Variants in MBNL2 observed in about 807,000 individuals in gnomAD.
MBNL2 encodes muscleblind-like protein 2.
MBNL2 carries 17 observed loss-of-function variants against 41.9 expected under a neutral mutation model. The observed-to-expected ratio is 0.41, with a 90% confidence interval of 0.28 to 0.61. MBNL2 has a LOEUF of 0.61. MBNL2 is among the 20% of genes least tolerant of loss of function. MBNL2 has a pLI of 0.35. For synonymous variants in MBNL2, 195 were observed against 182.9 expected (o/e 1.07, Z -0.53); for missense variants, 336 against 505.6 (o/e 0.66, Z 3.22).
chr13:97,215,773 G>C, the MBNL2 span, among the ~76,000 whole-genome samples: 11 of 152,072 alleles, frequency 7.2e-5, no homozygotes, highest in African/African-American at 2.2e-4. Flanking sequence ...GGGACACAGT[G>C]AAAAAAATTA....
At chr13:97,248,101 C>T (rs184425138) in intron 1 of MBNL2, among the ~76,000 whole-genome samples, 24 of 152,208 alleles carry the variant, frequency 1.6e-4, no homozygotes, top group African/African-American at 4.3e-4. Flanking sequence ...ATTATATATA[C>T]GTATGTGTGT....
chr13:97,190,650 A>T, the MBNL2 span, among the ~76,000 whole-genome samples: 3 of 152,232 alleles, frequency 2.0e-5, no homozygotes, highest in Non-Finnish European at 2.9e-5. Context: ...ATTCTCATCC[A>T]TAAAGTGGAA....
intron 2 of MBNL2, among the ~76,000 whole-genome samples, chr13:97,305,920 G>A (rs866115395): frequency 9.2e-5 from 14 of 152,074 alleles, no homozygotes; most frequent in Middle Eastern, 3.2e-3. Context: ...AGGGAGGAAG[G>A]GGAAGAGAAG....
At chr13:97,212,127 A>G in the MBNL2 span, among the ~76,000 whole-genome samples, 2 of 152,196 alleles carry the variant, frequency 1.3e-5, no homozygotes, top group Non-Finnish European at 2.9e-5. Flanking sequence ...CTTTGTACAA[A>G]GAGAACAGTA....
chr13:97,171,986 C>T, the MBNL2 span, among the ~76,000 whole-genome samples: 3 of 152,202 alleles, frequency 2.0e-5, no homozygotes, highest in African/African-American at 4.8e-5. Flanking sequence ...TCCCCAGCCA[C>T]GTGGAACTGT....
chr13:97,180,521 G>A, the MBNL2 span, among the ~76,000 whole-genome samples: 8 of 152,088 alleles, frequency 5.3e-5, no homozygotes, highest in African/African-American at 1.7e-4. Flanking sequence ...CAGATCACGA[G>A]GTCAGGACTT....
At chr13:97,149,244 G>A in the MBNL2 span, among the ~76,000 whole-genome samples, 1 of 152,162 alleles carries the variant, frequency 6.6e-6, no homozygotes, top group Non-Finnish European at 1.5e-5. Context: ...ATGATGATAT[G>A]TTCGGGCTTC....
the MBNL2 span, among the ~76,000 whole-genome samples, chr13:97,196,588 C>T: frequency 3.9e-5 from 6 of 152,008 alleles, no homozygotes; most frequent in Non-Finnish European, 8.8e-5. Context: ...GAGGAGGGAG[C>T]CCAGGACAAC....
intron 2 of MBNL2, among the ~76,000 whole-genome samples, chr13:97,329,375 G>A (rs941645781): frequency 3.3e-5 from 5 of 152,046 alleles, no homozygotes; most frequent in African/African-American, 7.2e-5. Flanking sequence ...TTTAAATGTA[G>A]CATAAAGCAT....
intron 5 of MBNL2, among the ~76,000 whole-genome samples, chr13:97,348,919 A>G (rs544369160): frequency 2.6e-5 from 4 of 152,336 alleles, no homozygotes; most frequent in African/African-American, 9.6e-5. Context: ...ATAGGGATAC[A>G]GCGAGAAAGG....
At chr13:97,202,708 G>T in the MBNL2 span, among the ~76,000 whole-genome samples, 5 of 152,320 alleles carry the variant, frequency 3.3e-5, no homozygotes, top group East Asian at 9.6e-4. Context: ...ATGCCATGCA[G>T]CAAGGAAGTC....
In MBNL2 at chr13:97,379,213, G is replaced by A. The variant is rs557111634; in HGVS notation, c.1049-12109G>A. On this transcript the variant is annotated intron_variant, in intron 8 of 8. Coordinates refer to ENST00000679496, the MANE Select transcript of MBNL2 (RefSeq NM_001382683.1). ...CCAAGCTCAATATCAGAAATGGTGT[G>A]AAAATATTGTTGCTTGGTGAGAATA... Among the ~76,000 whole-genome samples, 161 of 152,264 alleles carry A rather than the reference G, an allele frequency of 1.1e-3. 1 individual carries two copies. The highest frequency in any genetic ancestry group is 1.9e-3 in the Non-Finnish European group (131 of 68,018).
At chr13:97,203,862 AATG>A in the MBNL2 span, among the ~76,000 whole-genome samples, 2,563 of 150,818 alleles carry the variant, frequency 0.017, 70 homozygotes, top group African/African-American at 0.058. Context: ...TAATTGAATG[AATG>A]ATAAGTGAAT....
At chr13:97,285,451 G>A (rs377558449) in intron 2 of MBNL2, among the ~76,000 whole-genome samples, 1 of 152,324 alleles carries the variant, frequency 6.6e-6, no homozygotes, top group East Asian at 1.9e-4. Context: ...TTTAACGACA[G>A]CAGCTGCCAC....
the MBNL2 span, among the ~76,000 whole-genome samples, chr13:97,216,240 G>T: frequency 6.6e-6 from 1 of 151,712 alleles, no homozygotes; most frequent in Non-Finnish European, 1.5e-5. Context: ...TAATCTCTTC[G>T]AAAGTATGTA....
chr13:97,328,198 A>G (rs1478505192), intron 2 of MBNL2, among the ~76,000 whole-genome samples: 1 of 123,464 alleles, frequency 8.1e-6, no homozygotes, highest in African/African-American at 3.3e-5. Flanking sequence ...TTTTTTTTAC[A>G]CTGCTTCTCC....
At position 97,321,000 on chromosome 13, in the gene MBNL2, C is replaced by G. The variant is rs532375801; in HGVS notation, c.175-13276C>G. ...ATGGATCTCTGTGACTAAATTTTCT[C>G]TTTTTATAAGGACACCAGTCATACT... On this transcript the variant is annotated intron_variant, in intron 2 of 8. Transcript: ENST00000679496. Among the ~76,000 whole-genome samples the G allele has an allele frequency of 5.3e-4, 81 of 152,186 alleles. 1 individual carries two copies. The highest frequency in any genetic ancestry group is 1.9e-3 in the African/African-American group (79 of 41,522).
the MBNL2 span, among the ~76,000 whole-genome samples, chr13:97,183,934 C>G: frequency 6.6e-6 from 1 of 152,142 alleles, no homozygotes; most frequent in Admixed American, 6.5e-5. Flanking sequence ...TCCCCAGTCT[C>G]TTTTTTTCAC....
At chr13:97,178,301 G>T in the MBNL2 span, among the ~76,000 whole-genome samples, 1 of 152,104 alleles carries the variant, frequency 6.6e-6, no homozygotes, top group Non-Finnish European at 1.5e-5. Context: ...TATCTGAGAC[G>T]AATATACAGT....
Sources: allele counts gnomAD v4.1 joint callset (sites outside exome capture counted in the v4.1 genomes callset), GRCh38; gene constraint gnomAD v4.1.1; transcripts MANE v1.5; gene names NCBI Gene and HGNC (gene_info 2026-07-23, HGNC 2026-07-21).